The following GRM4 variants were observed in gnomAD, a reference collection of about 807,000 sequenced individuals.
GRM4 encodes the protein glutamate metabotropic receptor 4.
A neutral mutation model predicts 81.7 loss-of-function variants in GRM4; 28 were observed. The observed-to-expected ratio is 0.34, with a 90% CI of 0.25 to 0.47. GRM4 has a LOEUF of 0.47. Among genes scored for constraint, GRM4 ranks in the 20% least tolerant of loss-of-function variants. The probability of loss-of-function intolerance (pLI) is 1.00; values close to 1 mark genes in which losing one functional copy is unlikely to be tolerated. For synonymous variants in GRM4, 488 were observed against 528.8 expected (o/e 0.92, Z 1.06); for missense variants, 948 against 1,290.0 (o/e 0.73, Z 4.06).
In GRM4 at chr6:34,074,047, T is replaced by C. The variant is rs533191620; in HGVS notation, c.737-12019A>G. On this transcript the variant is annotated intron_variant, in intron 3 of 10. Transcript: ENST00000538487. This position sits in a 1 kb window ranked among gnomAD's most constrained non-coding sequence, Gnocchi z 4.9. Reference sequence around the variant, plus strand: ...CCTCTTGCCTCTGAAACCCCACCTCTGCCACCAGGCTCTCCATTCCTGCCC... The same window carrying C: ...CCTCTTGCCTCTGAAACCCCACCTCCGCCACCAGGCTCTCCATTCCTGCCC... Among the ~76,000 whole-genome samples the C allele has an allele frequency of 2.4e-4, 36 of 152,284 alleles. No homozygotes were observed. Among genetic ancestry groups the C allele is most frequent in the Non-Finnish European group, 4.7e-4 (32 of 68,020 alleles).
intron 9 of GRM4, among the ~76,000 whole-genome samples, chr6:34,033,718 CCT>C (rs200287144): frequency 6.1e-5 from 9 of 148,496 alleles, no homozygotes; most frequent in Non-Finnish European, 1.2e-4. Context: ...TTTCTCTCTC[CCT>C]CTCTCTCTCT....
rs1026236224 is a variant in GRM4, at chr6:34,152,865, A to G, written c.312+2214T>C. ...GAGCAAGGTGGGAGGGTGGCTGGGGATGGGAAGGTGGGGCATCTCAGGAGG... is the reference window on the plus strand; with the variant it reads ...GAGCAAGGTGGGAGGGTGGCTGGGGGTGGGAAGGTGGGGCATCTCAGGAGG... On this transcript the variant is annotated intron_variant, in intron 1 of 8. Transcript: ENST00000374177. The surrounding 1 kb of genome is among the most constrained non-coding windows in gnomAD (Gnocchi z 4.1). Among the ~76,000 whole-genome samples, 3 of 142,586 alleles carry G rather than the reference A, an allele frequency of 2.1e-5. No individual in the cohort carries two copies. Among genetic ancestry groups the G allele is most frequent in the African/African-American group, 7.5e-5 (3 of 40,018 alleles). The allele number at this position is 142,586 out of a possible 152,430, so 93.5% of individuals were successfully genotyped here. A position where few individuals can be genotyped will look rare whatever the true frequency, so the allele number is the denominator to read the frequency against.
At chr6:34,026,529 G>A (rs537347060) in intron 10 of GRM4, among the ~76,000 whole-genome samples, 1 of 152,232 alleles carries the variant, frequency 6.6e-6, no homozygotes, top group South Asian at 2.1e-4. Context: ...AGGCCCATGG[G>A]GGCTGCCCCA....
chr6:34,084,781 C>T (rs1353384315), intron 3 of GRM4, among the ~76,000 whole-genome samples: 1 of 152,202 alleles, frequency 6.6e-6, no homozygotes, highest in Admixed American at 6.5e-5. Context: ...GGCTTTTGTT[C>T]CTACTGTTCT....
At position 34,111,114 on chromosome 6, in the gene GRM4, T is replaced by TACAC. The variant is rs56326901; in HGVS notation, c.520-19019_520-19016dup. Reference sequence around the variant, plus strand: ...GAGGAGGAGACACACACAGGCCACATACACACACACACACACACACACACA... The same window carrying TACAC: ...GAGGAGGAGACACACACAGGCCACATACACACACACACACACACACACACACACA... On this transcript the variant is annotated intron_variant, in intron 2 of 10. Coordinates refer to ENST00000538487, the MANE Select transcript of GRM4 (RefSeq NM_000841.4). The surrounding 1 kb of genome is among the most constrained non-coding windows in gnomAD (Gnocchi z 5.1). 5,009 of 143,980 alleles carry TACAC rather than the reference T, an allele frequency of 0.035. 101 individuals are homozygous for TACAC. Among genetic ancestry groups the TACAC allele is most frequent in the African/African-American group, 0.044 (1,598 of 36,614 alleles). The allele number at this position is 143,980 out of a possible 1,614,324, so 8.9% of individuals were successfully genotyped here.
intron 3 of GRM4, among the ~76,000 whole-genome samples, chr6:34,082,492 G>A (rs1239472309): frequency 1.3e-5 from 2 of 152,170 alleles, no homozygotes; most frequent in Non-Finnish European, 2.9e-5. Context: ...GGACTCAGAG[G>A]TCCCCTGATG....
At position 34,091,990 on chromosome 6, in the gene GRM4, A is replaced by C. The variant is rs1278764517; in HGVS notation, c.629T>G (p.Val210Gly). 6.2e-7 allele frequency: 1 copy of C among 1,614,030 alleles called. No individual in the cohort carries two copies. The highest frequency in any genetic ancestry group is 8.5e-7 in the Non-Finnish European group (1 of 1,179,976). Residue 210 changes from valine to glycine, a missense_variant, in exon 3 of 11, where the codon GTG (valine) becomes GGG (glycine). Transcript: ENST00000538487. ...CCACTTGAGGGCACGGACGATGTCC[A>C]CCATGGCCTGGGCCTGGTACGTGTC... Reference protein sequence around the residue: ...PSDTYQAQAMVDIVRALKWNY... With the variant: ...PSDTYQAQAMGDIVRALKWNY...
intron 6 of GRM4, among the ~76,000 whole-genome samples, chr6:34,044,675 C>CACACACAG (rs1554181769): frequency 1.1e-4 from 16 of 140,892 alleles, no homozygotes; most frequent in African/African-American, 3.9e-4. Flanking sequence ...TACACAGACA[C>CACACACAG]ACACACACAG....
chr6:34,154,578 G>T (rs1771108484), intron 1 of GRM4, among the ~76,000 whole-genome samples: 1 of 137,806 alleles, frequency 7.3e-6, no homozygotes, highest in South Asian at 2.4e-4. Context: ...TAGATGGACG[G>T]ATGGTCCTGA....
At position 34,040,812 on chromosome 6, in the gene GRM4, G is replaced by T. The variant is rs1186772581; in HGVS notation, c.1169-64C>A. On this transcript the variant is annotated intron_variant, in intron 6 of 10. Transcript: ENST00000538487. The stretch of plus-strand genomic sequence containing the variant: ...CCACTGTCCTCACAGTGGTGTCATG[G>T]GGGCCAGACCACCCTCTGGCCACCT... 3.6e-6 allele frequency: 5 copies of T among 1,400,884 alleles called. No individual in the cohort carries two copies. In the African/African-American group the frequency reaches 7.0e-5, roughly 20 times the overall value. The allele number at this position is 1,400,884 out of a possible 1,614,324, so 86.8% of individuals were successfully genotyped here.
At chr6:34,142,311 G>C (rs965198443) in intron 1 of GRM4, among the ~76,000 whole-genome samples, 5 of 152,198 alleles carry the variant, frequency 3.3e-5, no homozygotes, top group African/African-American at 1.2e-4. Context: ...TAACCTGCCA[G>C]CCAACAGCCG....
At position 34,035,669 on chromosome 6, in the gene GRM4, T is replaced by C; in HGVS notation, c.2441A>G (p.Lys814Arg). Residue 814 changes from lysine to arginine, a missense_variant and splice_region_variant, in exon 9 of 11, where the codon AAG becomes AGG. By Grantham distance (26) the Lys-to-Arg change is conservative. Transcript: ENST00000538487. The surrounding 1 kb of genome is among the most constrained non-coding windows in gnomAD (Gnocchi z 6.6). ...CCACCCCCGGCCCCCACCACTCACCTTGTCGGCCGACTGCGAGGTGCCAAA... is the reference window on the plus strand; with the variant it reads ...CCACCCCCGGCCCCCACCACTCACCCTGTCGGCCGACTGCGAGGTGCCAAA... ...IFFGTSQSAD[K>R]LYIQTTTLTV... is the part of the protein sequence containing the mutation. The C allele has an allele frequency of 3.6e-5, 34 of 936,160 alleles. No individual in the cohort carries two copies. The highest frequency in any genetic ancestry group is 4.8e-5 in the Non-Finnish European group (31 of 640,398). 58.0% of individuals were successfully genotyped at this position (936,160 alleles called of 1,614,324 possible).
chr6:34,103,211 C>G (rs1320770651), intron 2 of GRM4, among the ~76,000 whole-genome samples: 2 of 152,264 alleles, frequency 1.3e-5, no homozygotes, highest in Non-Finnish European at 2.9e-5. Flanking sequence ...CAGGCCCATT[C>G]TGAATTACGT....
At position 34,133,888 on chromosome 6, in the gene GRM4, T is replaced by C; in HGVS notation, c.-363-29A>G. On this transcript the variant is annotated intron_variant, in intron 1 of 10. Transcript: ENST00000538487. This position sits in a 1 kb window ranked among gnomAD's most constrained non-coding sequence, Gnocchi z 6.5. ...AGAAGGGGAAGAGAGAGAGAGAATA[T>C]CAAACAGAAGCCCAAAGAAGACATT... The C allele has an allele frequency of 1.0e-6, 1 of 994,400 alleles. No individual in the cohort carries two copies. The highest frequency in any genetic ancestry group is 1.2e-6 in the Non-Finnish European group (1 of 829,124). 61.6% of individuals were successfully genotyped at this position (994,400 alleles called of 1,614,324 possible). A position where few individuals can be genotyped will look rare whatever the true frequency, so the allele number is the denominator to read the frequency against.
At chr6:34,112,421 C>T (rs567652235) in intron 2 of GRM4, among the ~76,000 whole-genome samples, 202 of 152,290 alleles carry the variant, frequency 1.3e-3, no homozygotes, top group Non-Finnish European at 2.4e-3. Flanking sequence ...GGTCTCACTG[C>T]CAGCTCTCTG....
At chr6:34,085,089 C>T (rs1171915576) in intron 3 of GRM4, among the ~76,000 whole-genome samples, 1 of 152,196 alleles carries the variant, frequency 6.6e-6, no homozygotes, top group Non-Finnish European at 1.5e-5. Flanking sequence ...TGGGAACGTG[C>T]CCAGGGAACA....
chr6:34,072,577 C>A (rs1467729441), intron 3 of GRM4, among the ~76,000 whole-genome samples: 1 of 152,130 alleles, frequency 6.6e-6, no homozygotes, highest in Non-Finnish European at 1.5e-5. Context: ...ACAACACACA[C>A]ACATATCACA....
chr6:34,048,851 A>C lies in GRM4; in HGVS notation c.1168+7693T>G, dbSNP rs1463583097. On this transcript the variant is annotated intron_variant, in intron 6 of 10. Transcript: ENST00000538487. The surrounding 1 kb of genome is among the most constrained non-coding windows in gnomAD (Gnocchi z 4.0). ...CCTCTTCGCCTTCCACCATGATTGTAAGTTTCCTGAGGCCTCCCAGTCGCG... is the reference window on the plus strand; with the variant it reads ...CCTCTTCGCCTTCCACCATGATTGTCAGTTTCCTGAGGCCTCCCAGTCGCG... 6.6e-6 allele frequency among the ~76,000 whole-genome samples: 1 copy of C among 152,056 alleles called. No individual in the cohort carries two copies. Among genetic ancestry groups the C allele is most frequent in the East Asian group, 1.9e-4 (1 of 5,190 alleles).
At chr6:34,140,655 T>C (rs73744829) in intron 1 of GRM4, among the ~76,000 whole-genome samples, 3,258 of 152,214 alleles carry the variant, frequency 0.021, 100 homozygotes, top group African/African-American at 0.073. Flanking sequence ...ATCTCCTCCA[T>C]CCAGCAAGCC....
Sources: allele counts gnomAD v4.1 joint callset (sites outside exome capture counted in the v4.1 genomes callset), GRCh38; gene constraint gnomAD v4.1.1; non-coding constraint Gnocchi (gnomAD v3.1); transcripts MANE v1.5; gene names NCBI Gene and HGNC (gene_info 2026-07-23, HGNC 2026-07-21).